CCDC3: variants seen among roughly 807,000 people sequenced by gnomAD.
The protein encoded by CCDC3 is coiled-coil domain-containing protein 3.
Under a neutral mutation model 21.4 loss-of-function variants are expected in CCDC3, and 24 were observed. That is an observed-to-expected ratio of 1.12 (90% CI 0.81 to 1.58). The LOEUF (loss-of-function observed/expected upper bound fraction) is 1.58. Among genes scored for constraint, CCDC3 ranks in the 40% most tolerant of loss-of-function variants. CCDC3 has a pLI of 0.00. For missense variants in CCDC3, 425 were observed against 360.9 expected (o/e 1.18, Z -1.44); for synonymous variants, 186 against 166.0 (o/e 1.12, Z -0.93).
intron 2 of CCDC3, among the ~76,000 whole-genome samples, chr10:12,921,541 T>A (rs1207841139): frequency 6.6e-6 from 1 of 152,238 alleles, no homozygotes; most frequent in Non-Finnish European, 1.5e-5. Context: ...CTTTTTCAAA[T>A]GATCTCTTAA....
chr10:13,002,860 C>A (rs562307695), upstream of CCDC3, among the ~76,000 whole-genome samples: 2 of 151,440 alleles, frequency 1.3e-5, no homozygotes, highest in Admixed American at 1.3e-4. Flanking sequence ...GGCTTACAGA[C>A]GGCCACCTTC....
intron 2 of CCDC3, among the ~76,000 whole-genome samples, chr10:12,972,690 A>G (rs1835360506): frequency 6.6e-6 from 1 of 152,042 alleles, no homozygotes; most frequent in Admixed American, 6.5e-5. Flanking sequence ...GGTGGTGGGT[A>G]CCTGTAACCC....
At chr10:12,917,700 C>G (rs981803230) in intron 2 of CCDC3, among the ~76,000 whole-genome samples, 1 of 152,138 alleles carries the variant, frequency 6.6e-6, no homozygotes, top group South Asian at 2.1e-4. Context: ...ATTTCGCTTT[C>G]TAAAATTTAC....
At chr10:13,032,568 A>C (rs1341960742) in intron 5 of CCDC3, among the ~76,000 whole-genome samples, 1 of 152,224 alleles carries the variant, frequency 6.6e-6, no homozygotes, top group Admixed American at 6.5e-5. Flanking sequence ...CTTGCAGATG[A>C]CATGATTGTA....
At chr10:13,073,472 C>T (rs909497608) in intron 4 of CCDC3, among the ~76,000 whole-genome samples, 1 of 151,996 alleles carries the variant, frequency 6.6e-6, no homozygotes, top group Admixed American at 6.6e-5. Flanking sequence ...CAGGAGTAAC[C>T]ACATCCCCTT....
chr10:12,979,328 C>T (rs1175399868), intron 2 of CCDC3, among the ~76,000 whole-genome samples: 2 of 151,976 alleles, frequency 1.3e-5, no homozygotes, highest in Admixed American at 1.3e-4. Context: ...GCCTGCCCTC[C>T]CTTTCTTTTT....
At chr10:12,905,940 A>G (rs749366334) in intron 2 of CCDC3, among the ~76,000 whole-genome samples, 10 of 152,162 alleles carry the variant, frequency 6.6e-5, no homozygotes, top group Non-Finnish European at 1.2e-4. Flanking sequence ...CATTATCCAC[A>G]TGATTCAGGG....
chr10:12,966,697 C>A (rs950558956), intron 2 of CCDC3, among the ~76,000 whole-genome samples: 1 of 152,192 alleles, frequency 6.6e-6, no homozygotes, highest in Non-Finnish European at 1.5e-5. Flanking sequence ...CCTACAGATA[C>A]AAGCCACACT....
At chr10:12,945,520 A>C (rs570179447) in intron 2 of CCDC3, among the ~76,000 whole-genome samples, 53 of 152,302 alleles carry the variant, frequency 3.5e-4, no homozygotes, top group Middle Eastern at 3.4e-3. Context: ...AATATTTGCT[A>C]ATATTTGAAG....
At chr10:12,929,772 T>C (rs1166692445) in intron 2 of CCDC3, among the ~76,000 whole-genome samples, 2 of 152,164 alleles carry the variant, frequency 1.3e-5, no homozygotes, top group Non-Finnish European at 2.9e-5. Context: ...TTGAGACTGT[T>C]TTAAAAGGGA....
chr10:12,937,099 C>T (rs1372896120), intron 2 of CCDC3, among the ~76,000 whole-genome samples: 1 of 124,294 alleles, frequency 8.0e-6, no homozygotes, highest in Non-Finnish European at 1.8e-5. Context: ...ATGGCTGGGT[C>T]CCTGTGGACT....
At chr10:12,938,952 A>C (rs988647390) in intron 2 of CCDC3, among the ~76,000 whole-genome samples, 2 of 152,214 alleles carry the variant, frequency 1.3e-5, no homozygotes, top group African/African-American at 4.8e-5. Context: ...TTAAATAAAC[A>C]CACACAATAA....
intron 2 of CCDC3, among the ~76,000 whole-genome samples, chr10:12,970,950 A>G (rs10906274): frequency 0.37 from 55,904 of 152,010 alleles, 10,983 homozygotes; most frequent in East Asian, 0.52. Context: ...AGCACTTCGC[A>G]AAGTTTGGCC....
chr10:12,992,230 A>C (rs1018241775), intron 2 of CCDC3, among the ~76,000 whole-genome samples: 5 of 152,020 alleles, frequency 3.3e-5, no homozygotes, highest in Non-Finnish European at 7.4e-5. Flanking sequence ...TCTCTATTAA[A>C]AATACAAAAA....
chr10:12,910,731 T>A (rs1256329905), intron 2 of CCDC3, among the ~76,000 whole-genome samples: 1 of 151,420 alleles, frequency 6.6e-6, no homozygotes, highest in Non-Finnish European at 1.5e-5. Flanking sequence ...TGCCTCAGCC[T>A]CCTGAGTAGC....
Position 12,959,046 on chromosome 10 carries a change from A to C in CCDC3, c.549+39292T>G, listed in dbSNP as rs563699262. Among the ~76,000 whole-genome samples the C allele has an allele frequency of 2.3e-4, 35 of 152,334 alleles. 1 individual carries two copies. Among genetic ancestry groups the C allele is most frequent in the African/African-American group, 8.4e-4 (35 of 41,568 alleles). On this transcript the variant is annotated intron_variant, in intron 2 of 2. Coordinates refer to ENST00000378825, the MANE Select transcript of CCDC3 (RefSeq NM_031455.4). ...TGACAAAAATAGCAGGTGTCGCCAC[A>C]TAGGGGGAATGAAGGATTAAATACT...
chr10:13,071,719 G>C (rs1836884603), intron 4 of CCDC3, among the ~76,000 whole-genome samples: 1 of 152,152 alleles, frequency 6.6e-6, no homozygotes, highest in South Asian at 2.1e-4. Context: ...ACGTACTCTG[G>C]GTGTTTGCTA....
chr10:13,074,343 T>A (rs1443722184), intron 3 of CCDC3, among the ~76,000 whole-genome samples: 1 of 117,350 alleles, frequency 8.5e-6, no homozygotes, highest in Admixed American at 8.9e-5. Context: ...TTTTTTTTTT[T>A]TTTTTTTTTT....
At chr10:12,975,985 C>T (rs1202185939) in intron 2 of CCDC3, among the ~76,000 whole-genome samples, 1 of 152,214 alleles carries the variant, frequency 6.6e-6, no homozygotes, top group Non-Finnish European at 1.5e-5. Context: ...ATGCAAATCC[C>T]TGCAGAGGTG....
Sources: gnomAD v4.1 joint callset for allele counts (sites outside exome capture counted in the v4.1 genomes callset) on GRCh38, gnomAD v4.1.1 for gene constraint, MANE v1.5 for transcripts, NCBI Gene and HGNC (gene_info 2026-07-23, HGNC 2026-07-21) for gene names.